ST6GALNAC3: variants seen among roughly 807,000 people sequenced by gnomAD.
ST6GALNAC3 encodes ST6 N-acetylgalactosaminide alpha-2,6-sialyltransferase 3.
A neutral mutation model predicts 32.7 loss-of-function variants in ST6GALNAC3; 25 were observed. The observed-to-expected ratio is 0.76, with a 90% CI of 0.56 to 1.07. The LOEUF is 1.07. Ranked by LOEUF, ST6GALNAC3 falls within the 50% of genes least tolerant of loss-of-function variation. ST6GALNAC3 has a pLI of 0.00. For synonymous variants in ST6GALNAC3, 129 were observed against 133.1 expected (o/e 0.97, Z 0.21); for missense variants, 355 against 382.4 (o/e 0.93, Z 0.60).
intron 1 of ST6GALNAC3, among the ~76,000 whole-genome samples, chr1:76,183,303 A>G (rs1296826131): frequency 6.6e-6 from 1 of 152,150 alleles, no homozygotes; most frequent in Non-Finnish European, 1.5e-5. Flanking sequence ...TTAGTTAAGC[A>G]AATGGTCTAC....
intron 3 of ST6GALNAC3, among the ~76,000 whole-genome samples, chr1:76,620,297 A>G (rs573072965): frequency 6.6e-6 from 1 of 152,190 alleles, no homozygotes. Context: ...TTAAGGAGCA[A>G]TAAATGAGCC....
chr1:76,527,062 A>G (rs1388531937), intron 3 of ST6GALNAC3, among the ~76,000 whole-genome samples: 1 of 152,090 alleles, frequency 6.6e-6, no homozygotes, highest in Non-Finnish European at 1.5e-5. Flanking sequence ...CTTGAATTAG[A>G]CTTGAATTGA....
chr1:76,616,720 G>A (rs1648315938), intron 3 of ST6GALNAC3, among the ~76,000 whole-genome samples: 1 of 151,992 alleles, frequency 6.6e-6, no homozygotes, highest in African/African-American at 2.4e-5. Context: ...AATTGAATTA[G>A]CCTCCTTCTA....
At chr1:76,357,627 C>G (rs778354983) in intron 2 of ST6GALNAC3, among the ~76,000 whole-genome samples, 3 of 152,194 alleles carry the variant, frequency 2.0e-5, no homozygotes, top group Non-Finnish European at 4.4e-5. Context: ...AAACTCTTTT[C>G]TGGCATCTGG....
chr1:76,290,176 C>G (rs1660002105), intron 1 of ST6GALNAC3, among the ~76,000 whole-genome samples: 1 of 152,208 alleles, frequency 6.6e-6, no homozygotes, highest in Admixed American at 6.5e-5. Flanking sequence ...GTTCCCTGCT[C>G]CCTCCACAGG....
chr1:76,548,993 A>G (rs562806283), intron 3 of ST6GALNAC3, among the ~76,000 whole-genome samples: 3 of 152,220 alleles, frequency 2.0e-5, no homozygotes, highest in Non-Finnish European at 4.4e-5. Context: ...CTGCTAGATG[A>G]AAAGAGAAGA....
chr1:76,104,603 C>A (rs1647391460), intron 1 of ST6GALNAC3, among the ~76,000 whole-genome samples: 1 of 144,766 alleles, frequency 6.9e-6, no homozygotes, highest in African/African-American at 2.7e-5. Context: ...TTGATCCTGG[C>A]CTGACGCTTT....
intron 1 of ST6GALNAC3, among the ~76,000 whole-genome samples, chr1:76,251,885 G>C (rs1006118589): frequency 6.6e-6 from 1 of 152,030 alleles, no homozygotes; most frequent in African/African-American, 2.4e-5. Flanking sequence ...GCCTCACTCA[G>C]AAGATACGCT....
chr1:76,083,517 T>A (rs1315409492), intron 1 of ST6GALNAC3, among the ~76,000 whole-genome samples: 1 of 152,254 alleles, frequency 6.6e-6, no homozygotes, highest in Non-Finnish European at 1.5e-5. Flanking sequence ...CTAGACCGAC[T>A]CTGAGTCCCA....
At chr1:76,370,394 C>T (rs1007579218) in intron 2 of ST6GALNAC3, among the ~76,000 whole-genome samples, 1 of 152,146 alleles carries the variant, frequency 6.6e-6, no homozygotes, top group African/African-American at 2.4e-5. Context: ...AAAGACCTTC[C>T]TTTTCCTCCC....
At chr1:76,344,734 A>G (rs912746917) in intron 2 of ST6GALNAC3, among the ~76,000 whole-genome samples, 1 of 152,238 alleles carries the variant, frequency 6.6e-6, no homozygotes, top group African/African-American at 2.4e-5. Context: ...TGAGAAAAAT[A>G]TACACTAAAG....
intron 1 of ST6GALNAC3, among the ~76,000 whole-genome samples, chr1:76,160,757 T>C (rs945359820): frequency 5.3e-5 from 8 of 152,198 alleles, no homozygotes; most frequent in African/African-American, 1.9e-4. Context: ...AGTGACAAAG[T>C]TGATTTGGAT....
intron 3 of ST6GALNAC3, among the ~76,000 whole-genome samples, chr1:76,488,949 C>T (rs1186748567): frequency 6.6e-6 from 1 of 152,178 alleles, no homozygotes; most frequent in Non-Finnish European, 1.5e-5. Flanking sequence ...TTTCTTCTTC[C>T]TTTCTTTTCT....
chr1:76,418,038 C>T (rs1654764791), intron 3 of ST6GALNAC3, among the ~76,000 whole-genome samples: 3 of 152,112 alleles, frequency 2.0e-5, no homozygotes, highest in Non-Finnish European at 4.4e-5. Flanking sequence ...TCTTTGCCAG[C>T]CTGTTCCATC....
At chr1:76,443,264 C>A (rs1361467005) in intron 3 of ST6GALNAC3, among the ~76,000 whole-genome samples, 2 of 152,158 alleles carry the variant, frequency 1.3e-5, no homozygotes. Context: ...AGCCACCCTT[C>A]TACCTAAGCC....
chr1:76,357,131 T>TTTCTTTC (rs915990046), intron 2 of ST6GALNAC3, among the ~76,000 whole-genome samples: 4 of 3,186 alleles, frequency 1.3e-3, no homozygotes, highest in African/African-American at 2.1e-3. Flanking sequence ...TTTCTTTTTC[T>TTTCTTTC]TTTTTTTTTT....
At chr1:76,289,396 C>T (rs1182766520) in intron 1 of ST6GALNAC3, among the ~76,000 whole-genome samples, 4 of 152,124 alleles carry the variant, frequency 2.6e-5, no homozygotes, top group Non-Finnish European at 5.9e-5. Flanking sequence ...TCTGTGCTTC[C>T]GATTACTCAT....
intron 3 of ST6GALNAC3, among the ~76,000 whole-genome samples, chr1:76,619,756 G>A (rs1266679166): frequency 1.3e-5 from 2 of 152,068 alleles, no homozygotes; most frequent in African/African-American, 4.8e-5. Flanking sequence ...GATGCTTTGA[G>A]GTCTGTACCA....
At chr1:76,169,467 G>T (rs1652336414) in intron 1 of ST6GALNAC3, among the ~76,000 whole-genome samples, 1 of 152,092 alleles carries the variant, frequency 6.6e-6, no homozygotes, top group African/African-American at 2.4e-5. Flanking sequence ...TTTTACTGGG[G>T]TTCTCTGCAT....
Sources: allele counts gnomAD v4.1 joint callset (sites outside exome capture counted in the v4.1 genomes callset), GRCh38; gene constraint gnomAD v4.1.1; transcripts MANE v1.5; gene names NCBI Gene and HGNC (gene_info 2026-07-23, HGNC 2026-07-21).